SLC2A9: variants seen among roughly 807,000 people sequenced by gnomAD.
SLC2A9 encodes the protein solute carrier family 2 member 9.
In SLC2A9, 39 loss-of-function variants were observed where a neutral mutation model predicts 50.6. The ratio of observed to expected loss-of-function variants is 0.77; its 90% CI spans 0.60 to 1.01. The LOEUF is 1.01. Ranked by LOEUF, SLC2A9 falls within the 50% of genes least tolerant of loss-of-function variation. The pLI, the probability that SLC2A9 is intolerant of heterozygous loss-of-function variation, is 0.00. For missense variants in SLC2A9, 686 were observed against 677.6 expected (o/e 1.01, Z -0.14); for synonymous variants, 324 against 276.9 (o/e 1.17, Z -1.69).
At chr4:10,004,923 T>C (rs1040967482) in intron 2 of SLC2A9, among the ~76,000 whole-genome samples, 1 of 152,246 alleles carries the variant, frequency 6.6e-6, no homozygotes, top group African/African-American at 2.4e-5. Context: ...CCTCTAGGCC[T>C]GCTTTGGGAC....
chr4:9,819,487 A>G (rs1218418245), intron 3 of SLC2A9, among the ~76,000 whole-genome samples: 3 of 152,186 alleles, frequency 2.0e-5, no homozygotes, highest in African/African-American at 4.8e-5. Flanking sequence ...GCCTGTTCAT[A>G]GCTTTTGCCC....
intron 6 of SLC2A9, among the ~76,000 whole-genome samples, chr4:9,936,870 A>ATTGTTTTGAGAAATTCAG (rs1747180865): frequency 6.6e-6 from 1 of 152,140 alleles, no homozygotes; most frequent in African/African-American, 2.4e-5. Flanking sequence ...TTTTTGAGAA[A>ATTGTTTTGAGAAATTCAG]ACCAAAGAAG....
At position 9,945,094 on chromosome 4, in the gene SLC2A9, G is replaced by A. The variant is rs149757487; in HGVS notation, c.682-3049C>T. ...CACGTCTTCTCTCCCAATGACAGTG[G>A]TAAAGATGTAATCGCCATCAGCAAC... On this transcript the variant is annotated intron_variant, in intron 5 of 11. Coordinates refer to ENST00000264784, the MANE Select transcript of SLC2A9 (RefSeq NM_020041.3). Among the ~76,000 whole-genome samples the A allele has an allele frequency of 6.2e-4, 94 of 152,346 alleles. 1 individual carries two copies. Among genetic ancestry groups the A allele is most frequent in the Admixed American group, 5.4e-3 (82 of 15,308 alleles).
At chr4:9,853,664 A>G (rs1237973723) in intron 10 of SLC2A9, among the ~76,000 whole-genome samples, 1 of 152,238 alleles carries the variant, frequency 6.6e-6, no homozygotes, top group African/African-American at 2.4e-5. Flanking sequence ...ACAGACATCT[A>G]CTGAATTCTC....
intron 10 of SLC2A9, among the ~76,000 whole-genome samples, chr4:9,887,286 C>T (rs766548728): frequency 7.2e-5 from 11 of 152,220 alleles, no homozygotes; most frequent in Non-Finnish European, 1.6e-4. Context: ...ACCAGTGTCA[C>T]CTCTGGATCA....
At chr4:9,972,919 T>C (rs1189164411) in intron 5 of SLC2A9, among the ~76,000 whole-genome samples, 1 of 152,126 alleles carries the variant, frequency 6.6e-6, no homozygotes, top group Non-Finnish European at 1.5e-5. Context: ...AACTCCAAAG[T>C]TAGCAAAAGA....
intron 7 of SLC2A9, among the ~76,000 whole-genome samples, chr4:9,914,578 T>C (rs7674723): frequency 0.24 from 36,283 of 152,068 alleles, 5,335 homozygotes; most frequent in East Asian, 0.67. Flanking sequence ...GAAGCTCTGG[T>C]CCCTGGTGGT....
At chr4:9,884,179 A>T (rs1735745271) in intron 10 of SLC2A9, among the ~76,000 whole-genome samples, 1 of 152,226 alleles carries the variant, frequency 6.6e-6, no homozygotes. Context: ...CTAGCGTTAC[A>T]CTGACTGATA....
At chr4:9,782,026 C>T (rs368348754) in intron 3 of SLC2A9, 59 of 1,459,540 alleles carry the variant, frequency 4.0e-5, no homozygotes, top group South Asian at 3.3e-4. Flanking sequence ...CAGTCCAGCC[C>T]GAAATGCTGC....
chr4:10,029,807 G>GT (rs1047795573), intron 1 of SLC2A9, among the ~76,000 whole-genome samples: 40 of 151,080 alleles, frequency 2.6e-4, no homozygotes, highest in Admixed American at 1.8e-3. Flanking sequence ...TTTTGTTTTT[G>GT]TTTTTTTTAG....
intron 3 of SLC2A9, among the ~76,000 whole-genome samples, chr4:9,801,302 G>T (rs1178714720): frequency 2.6e-5 from 4 of 152,158 alleles, no homozygotes; most frequent in Non-Finnish European, 5.9e-5. Flanking sequence ...GTTCAGCCCA[G>T]AAGACCCCCT....
At chr4:9,780,518 A>C (rs1418961556) in intron 3 of SLC2A9, among the ~76,000 whole-genome samples, 1 of 152,200 alleles carries the variant, frequency 6.6e-6, no homozygotes, top group Non-Finnish European at 1.5e-5. Flanking sequence ...ATGTTGGTCC[A>C]GGGTACAGGT....
At chr4:9,805,873 C>G (rs986928012) in intron 3 of SLC2A9, among the ~76,000 whole-genome samples, 4 of 152,144 alleles carry the variant, frequency 2.6e-5, no homozygotes, top group Non-Finnish European at 5.9e-5. Flanking sequence ...AATGTTCTCA[C>G]TATAATTCTA....
At chr4:9,963,771 G>A (rs1752651306) in intron 5 of SLC2A9, among the ~76,000 whole-genome samples, 1 of 152,224 alleles carries the variant, frequency 6.6e-6, no homozygotes, top group Non-Finnish European at 1.5e-5. Flanking sequence ...GGAATGGGAT[G>A]TGGAGTCACA....
chr4:9,795,006 C>CTTT (rs1720415200), downstream of SLC2A9, among the ~76,000 whole-genome samples: 1 of 43,020 alleles, frequency 2.3e-5, no homozygotes, highest in Non-Finnish European at 5.7e-5. Flanking sequence ...ATTAACCCAT[C>CTTT]CTTTTTTTTT....
chr4:9,821,355 G>A (rs1019487234), downstream of SLC2A9, among the ~76,000 whole-genome samples: 2 of 150,942 alleles, frequency 1.3e-5, no homozygotes, highest in African/African-American at 4.9e-5. Flanking sequence ...CCTTTGGATG[G>A]ATGAAGCTGG....
rs529760133 is a variant in SLC2A9, at chr4:9,809,593, G to A, written n.421-10352C>T. Among the ~76,000 whole-genome samples the A allele has an allele frequency of 7.9e-5, 12 of 152,270 alleles. No individual in the cohort carries two copies. In the East Asian group the frequency reaches 2.1e-3, roughly 27 times the overall value. ...TCCAGACGACCCTTCAGCCTGGCCT[G>A]CAGGACCCACCATGACATACCTTCT... On this transcript the variant is annotated intron_variant and non_coding_transcript_variant, in intron 3 of 3. Transcript: ENST00000503280.
At chr4:9,778,274 C>A (rs1241451591), downstream of SLC2A9, among the ~76,000 whole-genome samples, 1 of 152,046 alleles carries the variant, frequency 6.6e-6, no homozygotes, top group Non-Finnish European at 1.5e-5. Flanking sequence ...CACATCCCAC[C>A]ACGCCTGGCT....
chr4:9,832,085 A>G (rs988630810), intron 11 of SLC2A9, among the ~76,000 whole-genome samples: 1 of 152,292 alleles, frequency 6.6e-6, no homozygotes, highest in Admixed American at 6.5e-5. Context: ...AGTCTGTGCT[A>G]TTTGGTCATG....
Sources: gnomAD v4.1 joint callset for allele counts (sites outside exome capture counted in the v4.1 genomes callset) on GRCh38, gnomAD v4.1.1 for gene constraint, MANE v1.5 for transcripts, NCBI Gene and HGNC (gene_info 2026-07-23, HGNC 2026-07-21) for gene names.